Variants in FAM177A1 observed in about 807,000 individuals in gnomAD.
The protein encoded by FAM177A1 is protein FAM177A1.
In FAM177A1, 22 loss-of-function variants were observed where a neutral mutation model predicts 26.1. The ratio of observed to expected loss-of-function variants is 0.84; its 90% CI spans 0.60 to 1.20. The LOEUF (loss-of-function observed/expected upper bound fraction) is 1.20, where lower values mean the gene tolerates loss of function less well. FAM177A1 is among the 50% of genes most tolerant of loss of function. The pLI, the probability that FAM177A1 is intolerant of heterozygous loss-of-function variation, is 0.00. For missense variants in FAM177A1, 296 were observed against 291.1 expected (o/e 1.02, Z -0.12); for synonymous variants, 95 against 99.3 (o/e 0.96, Z 0.26).
At chr14:35,046,857 G>A in intron 1 of FAM177A1, 2 of 1,340,054 alleles carry the variant, frequency 1.5e-6, no homozygotes, top group Non-Finnish European at 1.9e-6. Flanking sequence ...CTCTGGGGCG[G>A]CCTCGGGTTC....
intron 2 of FAM177A1, among the ~76,000 whole-genome samples, chr14:35,071,323 A>G (rs2045318639): frequency 6.6e-6 from 1 of 152,224 alleles, no homozygotes. Flanking sequence ...GTGTTCTACA[A>G]CAAATAAATA....
chr14:35,053,233 T>G, intron 1 of FAM177A1, 45 bp from the exon 2 acceptor site: 3 of 1,541,738 alleles, frequency 1.9e-6, no homozygotes, highest in South Asian at 2.4e-5. Context: ...TGAAAGAAAA[T>G]TAATCTCACT....
At chr14:35,061,119 C>T (rs2045146714) in intron 2 of FAM177A1, among the ~76,000 whole-genome samples, 1 of 152,178 alleles carries the variant, frequency 6.6e-6, no homozygotes, top group African/African-American at 2.4e-5. Context: ...CAGTTTCAGT[C>T]ACCCATGGGA....
intron 2 of FAM177A1, among the ~76,000 whole-genome samples, chr14:35,062,997 A>T (rs9672061): frequency 0.34 from 50,356 of 148,418 alleles, 8,778 homozygotes; most frequent in East Asian, 0.41. Context: ...AAAAAAAAAA[A>T]AGGTCGGGTG....
intron 2 of FAM177A1, among the ~76,000 whole-genome samples, chr14:35,064,567 G>C (rs2045211012): frequency 6.6e-6 from 1 of 152,060 alleles, no homozygotes; most frequent in South Asian, 2.1e-4. Context: ...TTATACTTAG[G>C]AAATGTGACT....
chr14:35,066,995 T>C (rs991877415), intron 2 of FAM177A1, among the ~76,000 whole-genome samples: 1 of 152,032 alleles, frequency 6.6e-6, no homozygotes, highest in Non-Finnish European at 1.5e-5. Context: ...TTTCTCCATG[T>C]TGGTCAGGCT....
chr14:35,077,346 C>A, intron 3 of FAM177A1, 130 bp downstream of exon 3: 1 of 782,960 alleles, frequency 1.3e-6, no homozygotes, highest in Non-Finnish European at 2.2e-6. Flanking sequence ...CAAGAGCTAG[C>A]TAGCATTGGG....
At position 35,063,258 on chromosome 14, in the gene FAM177A1, T is replaced by G. The variant is rs2045187215; in HGVS notation, c.339+9807T>G. Among the ~76,000 whole-genome samples, 3 of 151,836 alleles carry G rather than the reference T, an allele frequency of 2.0e-5. No individual in the cohort carries two copies. The South Asian group carries it at 6.2e-4, about 32-fold the overall frequency. ...TATGACTCCAATTTTTAAATATCAA[T>G]TTTAAAGCTTTAAAATTATATTTTC... On this transcript the variant is annotated intron_variant, in intron 2 of 4. Transcript: ENST00000280987.
At chr14:35,047,949 G>C (rs1183961486) in intron 1 of FAM177A1, among the ~76,000 whole-genome samples, 2 of 152,054 alleles carry the variant, frequency 1.3e-5, no homozygotes, top group South Asian at 4.1e-4. Context: ...ATAAGATGTC[G>C]TTTGCATTAA....
chr14:35,064,351 C>T (rs990600386), intron 2 of FAM177A1, among the ~76,000 whole-genome samples: 23 of 152,132 alleles, frequency 1.5e-4, no homozygotes, highest in Admixed American at 1.3e-3. Context: ...CGAGCGACTG[C>T]ACTCCAGCCT....
intron 2 of FAM177A1, among the ~76,000 whole-genome samples, chr14:35,059,214 C>T (rs1595043511): frequency 6.6e-6 from 1 of 152,096 alleles, no homozygotes; most frequent in Admixed American, 6.6e-5. Flanking sequence ...TGTGAGCCAC[C>T]ACGCCTGGCC....
rs531735582 is a variant in FAM177A1, at chr14:35,077,271, G to A, written c.406+55G>A. 2.4e-4 allele frequency: 361 copies of A among 1,495,474 alleles called. 2 individuals are homozygous for A. The South Asian group carries it at 3.9e-3, about 16-fold the overall frequency. 92.6% of individuals were successfully genotyped at this position (1,495,474 alleles called of 1,614,324 possible). On this transcript the variant is annotated intron_variant, in intron 3 of 4. Coordinates refer to ENST00000280987, the MANE Select transcript of FAM177A1 (RefSeq NM_173607.5). Reference sequence around the variant, plus strand: ...ATTGCTGTAACATGCTTCAGCAACAGGAACTTTGCTAAATAGGATGTTTCC... The same window carrying A: ...ATTGCTGTAACATGCTTCAGCAACAAGAACTTTGCTAAATAGGATGTTTCC...
rs532935448 is a variant in FAM177A1, at chr14:35,055,176, G to A, written c.339+1725G>A. The stretch of plus-strand genomic sequence containing the variant: ...AAATTAGGCAGGCGTGATGGCAGGC[G>A]CCTGTAATCCCAGCTACTCAGGAGG... On this transcript the variant is annotated intron_variant, in intron 2 of 4. Coordinates refer to ENST00000280987, the MANE Select transcript of FAM177A1 (RefSeq NM_173607.5). Among the ~76,000 whole-genome samples, 12 of 150,418 alleles carry A rather than the reference G, an allele frequency of 8.0e-5. No individual in the cohort carries two copies. The South Asian group carries it at 1.3e-3, about 16-fold the overall frequency.
intron 2 of FAM177A1, among the ~76,000 whole-genome samples, chr14:35,058,826 G>C (rs2045102864): frequency 6.6e-6 from 1 of 152,054 alleles, no homozygotes; most frequent in Non-Finnish European, 1.5e-5. Context: ...CAGTGAACTG[G>C]GATCTCACCA....
intron 1 of FAM177A1, chr14:35,046,913 G>T (rs1011442545): frequency 3.2e-5 from 39 of 1,228,854 alleles, no homozygotes; most frequent in Non-Finnish European, 3.7e-5. Context: ...AAGAAGAAAG[G>T]CGTGTCCCCC....
intron 2 of FAM177A1, among the ~76,000 whole-genome samples, chr14:35,074,622 C>T (rs988633709): frequency 2.6e-5 from 4 of 151,868 alleles, no homozygotes; most frequent in East Asian, 3.9e-4. Context: ...CACTGCGCCC[C>T]GCCCCATCCA....
chr14:35,080,287 G>A (rs1045264789), intron 4 of FAM177A1, among the ~76,000 whole-genome samples: 1 of 152,186 alleles, frequency 6.6e-6, no homozygotes, highest in African/African-American at 2.4e-5. Context: ...CCTTATCTAT[G>A]TATTTGATGC....
intron 2 of FAM177A1, among the ~76,000 whole-genome samples, chr14:35,069,915 A>G (rs2045291785): frequency 1.3e-5 from 2 of 151,524 alleles, no homozygotes; most frequent in Non-Finnish European, 2.9e-5. Context: ...CAGGAGTTCA[A>G]GATCAGCCTT....
intron 2 of FAM177A1, among the ~76,000 whole-genome samples, chr14:35,071,219 G>A (rs927033092): frequency 2.6e-5 from 4 of 151,734 alleles, no homozygotes; most frequent in South Asian, 2.1e-4. Flanking sequence ...GGATGGTCTC[G>A]ATCTCTTGAC....
Sources: allele counts gnomAD v4.1 joint callset (sites outside exome capture counted in the v4.1 genomes callset), GRCh38; gene constraint gnomAD v4.1.1; transcripts MANE v1.5; gene names NCBI Gene and HGNC (gene_info 2026-07-23, HGNC 2026-07-21).